The following USP15 variants were observed in gnomAD, a reference collection of about 807,000 sequenced individuals.
USP15 encodes the protein ubiquitin carboxyl-terminal hydrolase 15.
Under a neutral mutation model 127.1 loss-of-function variants are expected in USP15, and 18 were observed. The ratio of observed to expected loss-of-function variants is 0.14; its 90% confidence interval spans 0.10 to 0.21. USP15 has a LOEUF of 0.21. Among genes scored for constraint, USP15 ranks in the 10% least tolerant of loss-of-function variants. USP15 has a pLI of 1.00. For synonymous variants in USP15, 364 were observed against 393.7 expected, an observed-to-expected ratio of 0.92 and a Z score of 0.89; for missense variants, 805 against 1,159.9, an observed-to-expected ratio of 0.69 and a Z score of 4.44.
intron 8 of USP15, among the ~76,000 whole-genome samples, chr12:62,375,143 G>A (rs750726643): frequency 6.6e-6 from 1 of 152,036 alleles, no homozygotes; most frequent in Non-Finnish European, 1.5e-5. Context: ...CTGCTTCGAG[G>A]TTGAAGATTT....
At chr12:62,260,553 A>G in intron 1 of USP15, 50 bp downstream of exon 1, 1 of 1,504,884 alleles carries the variant, frequency 6.6e-7, no homozygotes, top group Non-Finnish European at 9.0e-7. Flanking sequence ...ATAGTGGAGA[A>G]GTGGGCGGGA....
At chr12:62,370,990 G>C (rs927520906) in intron 8 of USP15, among the ~76,000 whole-genome samples, 1 of 151,958 alleles carries the variant, frequency 6.6e-6, no homozygotes, top group East Asian at 1.9e-4. Context: ...TTCCTCTCCT[G>C]TTACATTATT....
At chr12:62,320,599 CT>C (rs536253948) in intron 4 of USP15, among the ~76,000 whole-genome samples, 5 of 152,054 alleles carry the variant, frequency 3.3e-5, no homozygotes, top group South Asian at 2.1e-4. Context: ...GAATTAGTGC[CT>C]TTTTTTCCTA....
chr12:62,342,857 C>A (rs2065689667), intron 6 of USP15, among the ~76,000 whole-genome samples: 1 of 152,140 alleles, frequency 6.6e-6, no homozygotes, highest in Non-Finnish European at 1.5e-5. Context: ...GGAGGTCTCT[C>A]CCAGGCAGGA....
intron 1 of USP15, among the ~76,000 whole-genome samples, chr12:62,262,367 A>G (rs2063092273): frequency 6.6e-6 from 1 of 152,212 alleles, no homozygotes; most frequent in South Asian, 2.1e-4. Context: ...CCCGCTGGCT[A>G]TTGTAAGTTA....
intron 6 of USP15, among the ~76,000 whole-genome samples, chr12:62,333,428 C>T (rs2065362507): frequency 6.6e-6 from 1 of 151,986 alleles, no homozygotes; most frequent in South Asian, 2.1e-4. Flanking sequence ...CCACACCTGG[C>T]TAATTTTTGG....
intron 19 of USP15, chr12:62,393,956 A>G (rs142490316): frequency 6.6e-6 from 1 of 152,236 alleles, no homozygotes; most frequent in African/African-American, 2.4e-5. Flanking sequence ...CAGTAGTGAA[A>G]TAAATCATCC....
chr12:62,339,851 T>G (rs1213619721), intron 6 of USP15, among the ~76,000 whole-genome samples: 8 of 152,190 alleles, frequency 5.3e-5, no homozygotes, highest in Non-Finnish European at 1.0e-4. Flanking sequence ...ATTTTCTTTT[T>G]TTGTTGTGTC....
chr12:62,361,892 C>T (rs774620677), intron 8 of USP15, among the ~76,000 whole-genome samples: 3 of 151,874 alleles, frequency 2.0e-5, no homozygotes, highest in East Asian at 1.9e-4. Flanking sequence ...AACCATTGTT[C>T]GATTAATAGT....
At position 62,391,257 on chromosome 12, in the gene USP15, T is replaced by G. The variant is rs139161856; in HGVS notation, c.2061T>G (p.Asp687Glu). 9.3e-5 allele frequency: 150 copies of G among 1,613,646 alleles called. No individual in the cohort carries two copies. The African/African-American group carries it at 1.9e-3, about 20-fold the overall frequency. The change falls in exon 16 of 22, where the codon GAT becomes GAG. Residue 687 changes from aspartate to glutamate, a missense_variant. Transcript: ENST00000280377. ...AGTCTGAAGATTCAGTTGGAGGAGA[T>G]AATGATTCTGAAAATGGATTATGTA... ...NSQSEDSVGGDNDSENGLCTE... is the reference protein window; with the variant it reads ...NSQSEDSVGGENDSENGLCTE...
intron 1 of USP15, among the ~76,000 whole-genome samples, chr12:62,293,728 C>G (rs1430345064): frequency 6.6e-6 from 1 of 152,150 alleles, no homozygotes; most frequent in Non-Finnish European, 1.5e-5. Flanking sequence ...ACCTCTCTCT[C>G]TGATTATGAT....
At chr12:62,265,886 AAGT>A (rs1349651698) in intron 1 of USP15, among the ~76,000 whole-genome samples, 11 of 152,210 alleles carry the variant, frequency 7.2e-5, no homozygotes, top group African/African-American at 2.7e-4. Context: ...ATTTTTTAAA[AAGT>A]AGATTCACTT....
At chr12:62,369,097 T>C (rs1037492991) in intron 8 of USP15, among the ~76,000 whole-genome samples, 15 of 152,180 alleles carry the variant, frequency 9.9e-5, no homozygotes, top group African/African-American at 3.4e-4. Flanking sequence ...GTTTAGTGAA[T>C]GAGGTAGACA....
At chr12:62,340,641 A>T (rs1229869455) in intron 6 of USP15, among the ~76,000 whole-genome samples, 2 of 152,182 alleles carry the variant, frequency 1.3e-5, no homozygotes, top group African/African-American at 4.8e-5. Context: ...TTACTTACTC[A>T]GGAGTCATTC....
At chr12:62,332,269 C>T (rs1844922583) in intron 6 of USP15, among the ~76,000 whole-genome samples, 2 of 151,374 alleles carry the variant, frequency 1.3e-5, no homozygotes. Context: ...TTTAACACTA[C>T]TTGTTTTATC....
intron 1 of USP15, 25 bp downstream of exon 1, chr12:62,260,528 C>A: frequency 1.9e-6 from 3 of 1,546,514 alleles, no homozygotes; most frequent in South Asian, 2.4e-5. Flanking sequence ...TTGAGATGCC[C>A]GCGGTTGCCC....
chr12:62,306,006 G>A (rs1329302200), intron 3 of USP15: 1 of 152,212 alleles, frequency 6.6e-6, no homozygotes, highest in Non-Finnish European at 1.5e-5. Flanking sequence ...CCCACATGGT[G>A]AGGAACTGAG....
In USP15 at chr12:62,406,158, A is replaced by C. The variant is rs2067863362; in HGVS notation, c.*1783A>C. ...TTCTTACTCTTAATCTTTTAATAAAAATCCCCTACTTTATGGTTAGATGAC... is the reference window on the plus strand; with the variant it reads ...TTCTTACTCTTAATCTTTTAATAAACATCCCCTACTTTATGGTTAGATGAC... On this transcript the variant is annotated 3_prime_UTR_variant, in exon 22 of 22. Transcript: ENST00000280377. The C allele has an allele frequency of 6.6e-6, 1 of 152,022 alleles. No homozygotes were observed. The highest frequency in any genetic ancestry group is 1.5e-5 in the Non-Finnish European group (1 of 67,984). The allele number at this position is 152,022 out of a possible 1,614,324, so 9.4% of individuals were successfully genotyped here. A position where few individuals can be genotyped will look rare whatever the true frequency, so the allele number is the denominator to read the frequency against.
intron 1 of USP15, among the ~76,000 whole-genome samples, chr12:62,276,464 A>G (rs1189227818): frequency 6.6e-6 from 1 of 152,072 alleles, no homozygotes; most frequent in African/African-American, 2.4e-5. Flanking sequence ...TAAATATGTC[A>G]GTTTTGGAAT....
Sources: allele counts gnomAD v4.1 joint callset (sites outside exome capture counted in the v4.1 genomes callset), GRCh38; gene constraint gnomAD v4.1.1; transcripts MANE v1.5; gene names NCBI Gene and HGNC (gene_info 2026-07-23, HGNC 2026-07-21).